The following NEGR1 variants were observed in gnomAD, a reference collection of about 807,000 sequenced individuals.
NEGR1 encodes the protein neuronal growth regulator 1, also known as IgLON family member 4.
In NEGR1, 10 loss-of-function variants were observed where a neutral mutation model predicts 40.9. The ratio of observed to expected loss-of-function variants is 0.24; its 90% CI spans 0.15 to 0.42. The LOEUF (loss-of-function observed/expected upper bound fraction) is 0.42. NEGR1 is among the 10% of genes least tolerant of loss of function. The pLI is 1.00. For missense variants in NEGR1, 352 were observed against 438.9 expected (o/e 0.80, Z 1.77); for synonymous variants, 185 against 166.8 (o/e 1.11, Z -0.84).
At chr1:72,234,291 C>T (rs1211365867) in intron 1 of NEGR1, among the ~76,000 whole-genome samples, 5 of 152,110 alleles carry the variant, frequency 3.3e-5, no homozygotes, top group South Asian at 2.1e-4. Flanking sequence ...TGGCTCCATC[C>T]ATGTTCCTGC....
At chr1:72,076,920 G>C (rs1481580040) in intron 1 of NEGR1, among the ~76,000 whole-genome samples, 1 of 93,204 alleles carries the variant, frequency 1.1e-5, no homozygotes, top group African/African-American at 5.0e-5. Context: ...TTGGAAAACA[G>C]AGTGTCGGTC....
intron 1 of NEGR1, among the ~76,000 whole-genome samples, chr1:71,965,944 G>A (rs185564035): frequency 3.0e-4 from 46 of 152,238 alleles, no homozygotes; most frequent in African/African-American, 1.0e-3. Context: ...TGTGGAGTGT[G>A]CCATGTGATA....
Position 72,088,796 on chromosome 1 carries a change from C to CTTTTTTTTTTTTTTTTTTT in NEGR1, c.177-153504_177-153486dup, listed in dbSNP as rs71074816. Among the ~76,000 whole-genome samples the CTTTTTTTTTTTTTTTTTTT allele has an allele frequency of 6.3e-4, 47 of 74,922 alleles. 1 individual carries two copies. Among genetic ancestry groups the CTTTTTTTTTTTTTTTTTTT allele is most frequent in the Non-Finnish European group, 9.7e-4 (38 of 39,358 alleles). The allele number at this position is 74,922 out of a possible 152,430, so 49.2% of individuals were successfully genotyped here. On this transcript the variant is annotated intron_variant, in intron 1 of 6. Coordinates refer to ENST00000357731, the MANE Select transcript of NEGR1 (RefSeq NM_173808.3). The stretch of plus-strand genomic sequence containing the variant: ...ATGTATAATGTAGTTCTCTCTCTCT[C>CTTTTTTTTTTTTTTTTTTT]TTTTTTTTTTTTTTTTTTTTTTTTT...
chr1:71,570,776 T>A (rs1648786059), intron 6 of NEGR1, among the ~76,000 whole-genome samples: 2 of 152,126 alleles, frequency 1.3e-5, no homozygotes, highest in African/African-American at 4.8e-5. Flanking sequence ...GTCATCATAG[T>A]TTATAGGAGA....
intron 1 of NEGR1, among the ~76,000 whole-genome samples, chr1:72,168,603 T>C (rs1651851360): frequency 6.6e-6 from 1 of 152,130 alleles, no homozygotes; most frequent in African/African-American, 2.4e-5. Context: ...TATAGAGCAC[T>C]GACAGGCTGG....
At chr1:71,757,721 T>A (rs1190862880) in intron 3 of NEGR1, among the ~76,000 whole-genome samples, 1 of 152,072 alleles carries the variant, frequency 6.6e-6, no homozygotes, top group Non-Finnish European at 1.5e-5. Context: ...TGGAAATCAT[T>A]CTGGTGATTG....
chr1:71,640,494 T>C (rs1288638581), intron 4 of NEGR1, among the ~76,000 whole-genome samples: 1 of 152,046 alleles, frequency 6.6e-6, no homozygotes. Flanking sequence ...TGGTAAGAAT[T>C]TCCTCTCTTA....
intron 5 of NEGR1, among the ~76,000 whole-genome samples, chr1:71,597,015 G>A (rs1475601972): frequency 1.3e-5 from 2 of 152,150 alleles, no homozygotes; most frequent in East Asian, 3.8e-4. Flanking sequence ...GTATTAGATG[G>A]TGGGGGAAGT....
chr1:71,849,979 T>C (rs1186894734), intron 2 of NEGR1, among the ~76,000 whole-genome samples: 1 of 152,158 alleles, frequency 6.6e-6, no homozygotes, highest in Non-Finnish European at 1.5e-5. Flanking sequence ...CAATATTTAC[T>C]TTATTACAGT....
chr1:72,127,845 C>A (rs1279107463), intron 1 of NEGR1, among the ~76,000 whole-genome samples: 1 of 152,104 alleles, frequency 6.6e-6, no homozygotes, highest in African/African-American at 2.4e-5. Flanking sequence ...CTTTTGTCAT[C>A]TTTTTCAAAG....
At chr1:72,243,613 G>C (rs773387204) in intron 1 of NEGR1, among the ~76,000 whole-genome samples, 5 of 151,656 alleles carry the variant, frequency 3.3e-5, no homozygotes, top group Non-Finnish European at 7.4e-5. Context: ...GTATATTTAA[G>C]TTCATTAATA....
intron 4 of NEGR1, among the ~76,000 whole-genome samples, chr1:71,629,206 C>T (rs923610463): frequency 4.0e-5 from 6 of 151,748 alleles, no homozygotes; most frequent in Admixed American, 3.3e-4. Flanking sequence ...ACGTAAATGT[C>T]TTCTTTTTAA....
At chr1:71,494,867 C>G (rs2101391386) in intron 6 of NEGR1, among the ~76,000 whole-genome samples, 1 of 152,154 alleles carries the variant, frequency 6.6e-6, no homozygotes, top group African/African-American at 2.4e-5. Flanking sequence ...CTGCACAGGT[C>G]CACTTATATC....
At chr1:72,272,294 C>T (rs1215087380) in intron 1 of NEGR1, among the ~76,000 whole-genome samples, 1 of 151,710 alleles carries the variant, frequency 6.6e-6, no homozygotes, top group Non-Finnish European at 1.5e-5. Flanking sequence ...ACTCAACATT[C>T]AGGTTTTGAA....
intron 4 of NEGR1, among the ~76,000 whole-genome samples, chr1:71,656,148 C>T (rs1202306826): frequency 6.6e-6 from 1 of 152,184 alleles, no homozygotes; most frequent in African/African-American, 2.4e-5. Context: ...TTTATCCCCA[C>T]AGCCCACTTC....
At chr1:71,945,184 G>A (rs538614002) in intron 1 of NEGR1, among the ~76,000 whole-genome samples, 3 of 152,136 alleles carry the variant, frequency 2.0e-5, no homozygotes, top group South Asian at 2.1e-4. Context: ...TGGAACCTGG[G>A]CCAAGTTAAT....
chr1:71,402,291 G>C lies in NEGR1; in HGVS notation c.*5155C>G, dbSNP rs1284981716. 6.6e-6 allele frequency: 1 copy of C among 152,150 alleles called. No individual in the cohort carries two copies. The highest frequency in any genetic ancestry group is 1.5e-5 in the Non-Finnish European group (1 of 68,016). The allele number at this position is 152,150 out of a possible 1,614,324, so 9.4% of individuals were successfully genotyped here. On this transcript the variant is annotated 3_prime_UTR_variant, in exon 7 of 7. Coordinates refer to ENST00000357731, the MANE Select transcript of NEGR1 (RefSeq NM_173808.3). ...TGAGAAAGCCACAATAGCAACACTTGCAAAAGTGCTCCATTGTAAAATGCA... is the reference window on the plus strand; with the variant it reads ...TGAGAAAGCCACAATAGCAACACTTCCAAAAGTGCTCCATTGTAAAATGCA...
intron 6 of NEGR1, among the ~76,000 whole-genome samples, chr1:71,460,354 G>T (rs2101342702): frequency 6.6e-6 from 1 of 152,210 alleles, no homozygotes; most frequent in South Asian, 2.1e-4. Context: ...AGGCAAACAA[G>T]TCACCTAGGG....
chr1:72,207,487 C>A (rs116234446), intron 1 of NEGR1, among the ~76,000 whole-genome samples: 9 of 151,732 alleles, frequency 5.9e-5, no homozygotes, highest in African/African-American at 1.9e-4. Flanking sequence ...TTTAGAGGAG[C>A]CTTTGTGGAT....
Sources: allele counts gnomAD v4.1 joint callset (sites outside exome capture counted in the v4.1 genomes callset), GRCh38; gene constraint gnomAD v4.1.1; transcripts MANE v1.5; gene names NCBI Gene and HGNC (gene_info 2026-07-23, HGNC 2026-07-21).